PGM5: variants seen among roughly 807,000 people sequenced by gnomAD.
PGM5 encodes the protein phosphoglucomutase-like protein 5.
In PGM5, 23 loss-of-function variants were observed where a neutral mutation model predicts 59.2. The ratio of observed to expected loss-of-function variants is 0.39; its 90% CI spans 0.28 to 0.55. The LOEUF (loss-of-function observed/expected upper bound fraction) is 0.55. PGM5 is among the 20% of genes least tolerant of loss of function. PGM5 has a pLI of 0.66. For synonymous variants in PGM5, 214 were observed against 286.0 expected (o/e 0.75, Z 2.54); for missense variants, 574 against 748.3 (o/e 0.77, Z 2.72).
chr9:68,393,442 C>T (rs1822416835), intron 6 of PGM5, among the ~76,000 whole-genome samples: 1 of 151,950 alleles, frequency 6.6e-6, no homozygotes, highest in South Asian at 2.1e-4. Context: ...CAACAATTGC[C>T]AACTACCAAT....
intron 6 of PGM5, among the ~76,000 whole-genome samples, chr9:68,407,213 G>T (rs1189313372): frequency 6.6e-6 from 1 of 152,106 alleles, no homozygotes; most frequent in Admixed American, 6.6e-5. Context: ...TCACTACAAT[G>T]AACTTCCAGG....
In PGM5 at chr9:68,513,983, G is replaced by A. The variant is rs78048313; in HGVS notation, c.1614+14622G>A. The stretch of plus-strand genomic sequence containing the variant: ...GATTTGATAAAAAGCTTAAAAGAAA[G>A]TACTTTTACACTGTTTTTAACAGCG... On this transcript the variant is annotated intron_variant, in intron 10 of 10. Transcript: ENST00000396396. 7.7e-3 allele frequency among the ~76,000 whole-genome samples: 1,167 copies of A among 152,306 alleles called. 13 individuals are homozygous for A. Among genetic ancestry groups the A allele is most frequent in the African/African-American group, 0.027 (1,114 of 41,564 alleles).
intron 6 of PGM5, among the ~76,000 whole-genome samples, chr9:68,448,741 G>T (rs1215873141): frequency 6.6e-6 from 1 of 152,218 alleles, no homozygotes; most frequent in Admixed American, 6.5e-5. Context: ...GAACTGAGTT[G>T]ATATTCAGAG....
Position 68,416,317 on chromosome 9 carries a change from G to A in PGM5, c.1043+23844G>A, listed in dbSNP as rs114055503. Among the ~76,000 whole-genome samples the A allele has an allele frequency of 4.1e-3, 615 of 151,784 alleles. 5 individuals carry two copies. The highest frequency in any genetic ancestry group is 0.014 in the African/African-American group (579 of 41,392). On this transcript the variant is annotated intron_variant, in intron 6 of 10. Transcript: ENST00000396396. Reference sequence around the variant, plus strand: ...CATGATGATGTTGGTGTATAAATACGTCAGCTCCTTTAACCCTTGGGGGAC... The same window carrying A: ...CATGATGATGTTGGTGTATAAATACATCAGCTCCTTTAACCCTTGGGGGAC...
chr9:68,482,292 CTCCTTGGTTGGG>C (rs1407306472), intron 8 of PGM5, among the ~76,000 whole-genome samples: 1 of 152,108 alleles, frequency 6.6e-6, no homozygotes, highest in Non-Finnish European at 1.5e-5. Context: ...CTGCCCCTTT[CTCCTTGGTTGGG>C]TCTTTACCTT....
intron 6 of PGM5, among the ~76,000 whole-genome samples, chr9:68,421,942 G>A (rs2132048324): frequency 6.6e-6 from 1 of 151,646 alleles, no homozygotes; most frequent in East Asian, 1.9e-4. Flanking sequence ...TAAAAATTAG[G>A]CAAATATATA....
intron 9 of PGM5, among the ~76,000 whole-genome samples, chr9:68,489,423 ATGTTGTTGT>A (rs10560976): frequency 1.7e-4 from 25 of 148,892 alleles, no homozygotes; most frequent in Non-Finnish European, 2.5e-4. Context: ...TCCTAATCCT[ATGTTGTTGT>A]TGTTGTTGTT....
In PGM5 at chr9:68,456,561, C is replaced by T. The variant is rs567739502; in HGVS notation, c.1044-8532C>T. 3.0e-4 allele frequency among the ~76,000 whole-genome samples: 46 copies of T among 151,332 alleles called. No individual in the cohort carries two copies. In the South Asian group the frequency reaches 7.1e-3, roughly 23 times the overall value. On this transcript the variant is annotated intron_variant, in intron 6 of 10. Coordinates refer to ENST00000396396, the MANE Select transcript of PGM5 (RefSeq NM_021965.4). Reference sequence around the variant, plus strand: ...GTCTCGATCTCCTGACGTCATGAGCCGCCCGCCTTGGCCTCCCAAAGTGCT... The same window carrying T: ...GTCTCGATCTCCTGACGTCATGAGCTGCCCGCCTTGGCCTCCCAAAGTGCT...
chr9:68,520,089 CAAA>C (rs34710126), intron 10 of PGM5, among the ~76,000 whole-genome samples: 4 of 129,206 alleles, frequency 3.1e-5, no homozygotes, highest in East Asian at 2.2e-4. Context: ...GACCCTGTCT[CAAA>C]AAAAAAAAAA....
chr9:68,465,688 C>T (rs1224201346), intron 7 of PGM5, among the ~76,000 whole-genome samples: 1 of 152,172 alleles, frequency 6.6e-6, no homozygotes, highest in East Asian at 1.9e-4. Flanking sequence ...CATTATCACA[C>T]CTAAAATGTT....
At position 68,376,813 on chromosome 9, in the gene PGM5, C is replaced by CTTTG. The variant is rs1208053338; in HGVS notation, c.262-1383_262-1382insGTTT. 9.7e-4 allele frequency among the ~76,000 whole-genome samples: 105 copies of CTTTG among 107,820 alleles called. 6 individuals carry two copies. Among genetic ancestry groups the CTTTG allele is most frequent in the African/African-American group, 4.0e-3 (100 of 24,818 alleles). 70.7% of individuals were successfully genotyped at this position (107,820 alleles called of 152,430 possible). A position where few individuals can be genotyped will look rare whatever the true frequency, so the allele number is the denominator to read the frequency against. On this transcript the variant is annotated intron_variant, in intron 1 of 10. Coordinates refer to ENST00000396396, the MANE Select transcript of PGM5 (RefSeq NM_021965.4). ...TCTTTCTTTCTTTCTTTCTTTCTTTCTTTCTTTCTTTCTTTCTTTCTCTTT... is the reference window on the plus strand; with the variant it reads ...TCTTTCTTTCTTTCTTTCTTTCTTTCTTTGTTTCTTTCTTTCTTTCTTTCTCTTT...
chr9:68,444,338 TG>T (rs1554683885), intron 6 of PGM5, among the ~76,000 whole-genome samples: 2 of 152,208 alleles, frequency 1.3e-5, no homozygotes, highest in African/African-American at 4.8e-5. Flanking sequence ...TTCAGTCAAA[TG>T]CTAGTGCATA....
intron 6 of PGM5, chr9:68,405,464 C>A (rs1822780403): frequency 6.6e-6 from 1 of 152,344 alleles, no homozygotes; most frequent in Non-Finnish European, 1.5e-5. Flanking sequence ...CTCCTCCTAC[C>A]CCTGCAAATA....
intron 5 of PGM5, 96 bp from the exon 6 acceptor site, chr9:68,392,223 A>G: frequency 1.3e-6 from 2 of 1,492,222 alleles, no homozygotes; most frequent in Non-Finnish European, 1.8e-6. Flanking sequence ...TAGATTGTTA[A>G]ATATAAGATG....
intron 6 of PGM5, among the ~76,000 whole-genome samples, chr9:68,394,839 A>C (rs2987691): frequency 6.6e-6 from 1 of 152,124 alleles, no homozygotes; most frequent in Non-Finnish European, 1.5e-5. Context: ...CTAGGCTGGT[A>C]TCAAATTCCT....
Position 68,388,577 on chromosome 9 carries a change from A to G in PGM5, c.697+989A>G, listed in dbSNP as rs139647145. Among the ~76,000 whole-genome samples, 931 of 152,178 alleles carry G rather than the reference A, an allele frequency of 6.1e-3. 20 individuals carry two copies. Among genetic ancestry groups the G allele is most frequent in the African/African-American group, 0.021 (888 of 41,514 alleles). On this transcript the variant is annotated intron_variant, in intron 4 of 10. Coordinates refer to ENST00000396396, the MANE Select transcript of PGM5 (RefSeq NM_021965.4). The stretch of plus-strand genomic sequence containing the variant: ...ATTTACTCGTACATTTTGGAGGAAC[A>G]CATTCTCCAGGAACTCAGTGAGAGA...
At chr9:68,408,568 C>G (rs1272259480) in intron 6 of PGM5, among the ~76,000 whole-genome samples, 4 of 152,164 alleles carry the variant, frequency 2.6e-5, no homozygotes, top group African/African-American at 9.7e-5. Flanking sequence ...TGCAGAAGCT[C>G]TTTAGTTGAA....
intron 8 of PGM5, among the ~76,000 whole-genome samples, chr9:68,480,811 G>C (rs1824185866): frequency 6.6e-6 from 1 of 152,184 alleles, no homozygotes; most frequent in Admixed American, 6.5e-5. Flanking sequence ...GGAGCTTAGG[G>C]TTGGGGGTCT....
chr9:68,456,402 C>A (rs894984051), intron 6 of PGM5, among the ~76,000 whole-genome samples: 3 of 151,862 alleles, frequency 2.0e-5, no homozygotes, highest in Non-Finnish European at 2.9e-5. Context: ...TCTCCGCCTC[C>A]CAGGTTCACA....
Sources: gnomAD v4.1 joint callset for allele counts (sites outside exome capture counted in the v4.1 genomes callset) on GRCh38, gnomAD v4.1.1 for gene constraint, MANE v1.5 for transcripts, NCBI Gene and HGNC (gene_info 2026-07-23, HGNC 2026-07-21) for gene names.